NUP155: variants seen among roughly 807,000 people sequenced by gnomAD.
The protein encoded by NUP155 is nuclear pore complex protein Nup155.
NUP155 carries 71 observed loss-of-function variants against 180.4 expected under a neutral mutation model. The observed-to-expected ratio is 0.39, with a 90% CI of 0.33 to 0.48. The LOEUF is 0.48. Ranked by LOEUF, NUP155 falls within the 20% of genes least tolerant of loss-of-function variation. The probability of loss-of-function intolerance (pLI) is 0.91; values close to 1 mark genes in which losing one functional copy is unlikely to be tolerated. For synonymous variants in NUP155, 582 were observed against 559.5 expected (o/e 1.04, Z -0.57); for missense variants, 1,553 against 1,648.9 (o/e 0.94, Z 1.01).
At chr5:37,341,522 C>T (rs893032023) in intron 10 of NUP155, among the ~76,000 whole-genome samples, 1 of 151,864 alleles carries the variant, frequency 6.6e-6, no homozygotes, top group Non-Finnish European at 1.5e-5. Flanking sequence ...CCACCACACC[C>T]GTCTAATTTG....
intron 31 of NUP155, 22 bp from the exon 32 acceptor site, chr5:37,299,000 T>C (rs980597623): frequency 3.0e-6 from 4 of 1,339,850 alleles, no homozygotes; most frequent in Admixed American, 1.7e-5. Flanking sequence ...AGACATGTCA[T>C]TTGAAACCCA....
intron 14 of NUP155, among the ~76,000 whole-genome samples, chr5:37,331,247 G>A (rs1359146690): frequency 6.6e-6 from 1 of 151,960 alleles, no homozygotes; most frequent in East Asian, 1.9e-4. Flanking sequence ...TTCACATACA[G>A]TGACTTAGGC....
chr5:37,360,920 A>T (rs978546236), intron 3 of NUP155, among the ~76,000 whole-genome samples: 1 of 152,202 alleles, frequency 6.6e-6, no homozygotes, highest in South Asian at 2.1e-4. Context: ...AATGAGGTAT[A>T]TAACAAAAGT....
chr5:37,364,676 G>A (rs1413133951), intron 1 of NUP155, among the ~76,000 whole-genome samples: 6 of 150,438 alleles, frequency 4.0e-5, no homozygotes, highest in African/African-American at 9.8e-5. Flanking sequence ...TCGCACTGTC[G>A]CCCAGGCTGG....
rs764012435 is a variant in NUP155 at position 37,370,835 on chromosome 5, A to G, written c.143T>C (p.Met48Thr). 3 of 1,614,212 alleles carry G rather than the reference A, an allele frequency of 1.9e-6. No individual in the cohort carries two copies. The highest frequency in any genetic ancestry group is 2.5e-6 in the Non-Finnish European group (3 of 1,180,036). ...CTATCACTCACTTGGGGCAGACACC[A>G]TAAGCAGCTCGGAAAGGTCCGGGTA... ...RMYPDLSELL[M>T]VSAPNNPTVS... The change falls in exon 1 of 35, where the codon ATG (methionine) becomes ACG (threonine). Residue 48 changes from methionine to threonine, a missense_variant. Physicochemically the swap from Met to Thr is moderately conservative, Grantham distance 81. Transcript: ENST00000231498.
chr5:37,294,019 A>T lies in NUP155; in HGVS notation c.3930+310T>A, dbSNP rs1382227990. ...AGACGCCGTCTCAAAAAAAAAAAAA[A>T]AAAAAAAAATAAAGCAAATGATGAT... On this transcript the variant is annotated intron_variant, in intron 33 of 34. Coordinates refer to ENST00000231498, the MANE Select transcript of NUP155 (RefSeq NM_153485.3). Among the ~76,000 whole-genome samples the T allele has an allele frequency of 7.9e-5, 6 of 76,044 alleles. 1 individual carries two copies. The South Asian group carries it at 1.4e-3, about 17-fold the overall frequency. 49.9% of individuals were successfully genotyped at this position (76,044 alleles called of 152,430 possible).
At chr5:37,340,030 C>A (rs1411380359) in intron 11 of NUP155, among the ~76,000 whole-genome samples, 1 of 152,068 alleles carries the variant, frequency 6.6e-6, no homozygotes, top group African/African-American at 2.4e-5. Context: ...AAGTGTTGGG[C>A]TTACAGGCGT....
intron 22 of NUP155, among the ~76,000 whole-genome samples, chr5:37,311,998 G>A (rs1400265698): frequency 6.6e-6 from 1 of 152,076 alleles, no homozygotes; most frequent in East Asian, 1.9e-4. Context: ...TCCAGCCTGG[G>A]TGACAGAATG....
intron 32 of NUP155, among the ~76,000 whole-genome samples, chr5:37,296,376 C>A (rs964153285): frequency 6.6e-6 from 1 of 151,914 alleles, no homozygotes; most frequent in Non-Finnish European, 1.5e-5. Flanking sequence ...TGTGACCTTA[C>A]CCCCAACCCT....
intron 22 of NUP155, among the ~76,000 whole-genome samples, chr5:37,312,029 T>A (rs984253447): frequency 3.3e-5 from 5 of 151,736 alleles, no homozygotes; most frequent in South Asian, 2.1e-4. Context: ...TCAAAAAAAA[T>A]AAAAAACAAA....
In NUP155 at chr5:37,294,595, G is replaced by C. The variant is rs1258134188; in HGVS notation, c.3794-130C>G. On this transcript the variant is annotated intron_variant, in intron 32 of 34. Coordinates refer to ENST00000231498, the MANE Select transcript of NUP155 (RefSeq NM_153485.3). ...TCCAATTGCAATTTTTTGGGGCGGG[G>C]GGTTTTTTTTGCTATGTTGCCCAGA... 6 of 909,180 alleles carry C rather than the reference G, an allele frequency of 6.6e-6. No homozygotes were observed. In the Admixed American group the frequency reaches 8.8e-5, roughly 13 times the overall value. 56.3% of individuals were successfully genotyped at this position (909,180 alleles called of 1,614,324 possible).
intron 1 of NUP155, among the ~76,000 whole-genome samples, chr5:37,365,637 G>A (rs11949254): frequency 0.1 from 15,457 of 147,372 alleles, 2,771 homozygotes; most frequent in African/African-American, 0.37. Flanking sequence ...GAACCTGGGA[G>A]GCGGAGGCAG....
chr5:37,329,318 A>T (rs776069849), intron 15 of NUP155, 40 bp from the exon 16 acceptor site: 8 of 1,497,402 alleles, frequency 5.3e-6, no homozygotes, highest in Non-Finnish European at 7.5e-6. Context: ...TCAGTAAAAC[A>T]AACCATCCAT....
intron 14 of NUP155, among the ~76,000 whole-genome samples, chr5:37,330,594 G>A (rs956945194): frequency 6.6e-6 from 1 of 152,082 alleles, no homozygotes; most frequent in Non-Finnish European, 1.5e-5. Context: ...TTTAACACAG[G>A]TGCTTTGAAT....
At chr5:37,368,504 A>T (rs935332756) in intron 1 of NUP155, among the ~76,000 whole-genome samples, 6 of 151,998 alleles carry the variant, frequency 3.9e-5, no homozygotes, top group African/African-American at 1.4e-4. Flanking sequence ...AAGTGCTGAG[A>T]CTATTGGGCT....
At chr5:37,330,468 G>A (rs1160426684) in intron 14 of NUP155, among the ~76,000 whole-genome samples, 1 of 152,088 alleles carries the variant, frequency 6.6e-6, no homozygotes, top group Non-Finnish European at 1.5e-5. Context: ...CATGTGTCAG[G>A]TACTATTTTA....
chr5:37,313,153 G>A (rs988737256), intron 22 of NUP155, among the ~76,000 whole-genome samples: 5 of 151,968 alleles, frequency 3.3e-5, no homozygotes, highest in South Asian at 2.1e-4. Flanking sequence ...AGCAGTTGCC[G>A]GGCATGGTGG....
intron 20 of NUP155, among the ~76,000 whole-genome samples, chr5:37,322,429 T>C (rs1044567490): frequency 1.3e-5 from 2 of 152,250 alleles, no homozygotes; most frequent in East Asian, 1.9e-4. Context: ...CATTCTTGGC[T>C]GGGCGCGGTG....
intron 7 of NUP155, 56 bp downstream of exon 7, chr5:37,350,104 G>A (rs1746360200): frequency 4.4e-6 from 5 of 1,148,378 alleles, no homozygotes; most frequent in Admixed American, 1.7e-5. Flanking sequence ...AAAACGTTGA[G>A]GGAACAATGT....
Sources: gnomAD v4.1 joint callset for allele counts (sites outside exome capture counted in the v4.1 genomes callset) on GRCh38, gnomAD v4.1.1 for gene constraint, MANE v1.5 for transcripts, NCBI Gene and HGNC (gene_info 2026-07-23, HGNC 2026-07-21) for gene names.